Variants in DCLRE1C observed in about 807,000 individuals in gnomAD.
DCLRE1C encodes protein artemis.
A neutral mutation model predicts 61.4 loss-of-function variants in DCLRE1C; 47 were observed. The ratio of observed to expected loss-of-function variants is 0.77; its 90% CI spans 0.61 to 0.98. The LOEUF (loss-of-function observed/expected upper bound fraction) is 0.98, where lower values mean the gene tolerates loss of function less well. Among genes scored for constraint, DCLRE1C ranks in the 50% least tolerant of loss-of-function variants. DCLRE1C has a pLI of 0.00. For missense variants in DCLRE1C, 858 were observed against 816.0 expected (o/e 1.05, Z -0.63); for synonymous variants, 337 against 287.6 (o/e 1.17, Z -1.74).
At chr10:14,926,736 C>A in intron 11 of DCLRE1C, 107 bp downstream of exon 11, 21 of 762,922 alleles carry the variant, frequency 2.8e-5, no homozygotes, top group African/African-American at 3.6e-5. Flanking sequence ...GGAAATGAAA[C>A]TTACATAGAA....
At chr10:14,943,304 G>A (rs1330370028) in intron 3 of DCLRE1C, among the ~76,000 whole-genome samples, 2 of 151,958 alleles carry the variant, frequency 1.3e-5, no homozygotes, top group African/African-American at 4.8e-5. Context: ...TCAGCTGGAT[G>A]CTATTTTGTC....
At chr10:14,930,982 A>G (rs1172627690) in intron 9 of DCLRE1C, among the ~76,000 whole-genome samples, 1 of 152,200 alleles carries the variant, frequency 6.6e-6, no homozygotes, top group African/African-American at 2.4e-5. Context: ...ATTATGCTTT[A>G]TCGTAAGGGC....
Position 14,909,162 on chromosome 10 carries a change from T to G in DCLRE1C, c.1325A>C (p.Gln442Pro), listed in dbSNP as rs567152555. 1 of 1,614,226 alleles carries G rather than the reference T, an allele frequency of 6.2e-7. No homozygotes were observed. The highest frequency in any genetic ancestry group is 8.5e-7 in the Non-Finnish European group (1 of 1,180,032). The change falls in exon 14 of 14, where the codon CAG (glutamine) becomes CCG (proline). Residue 442 changes from glutamine to proline, a missense_variant. By Grantham distance (76) the Gln-to-Pro change is moderately conservative. Coordinates refer to ENST00000378278, the MANE Select transcript of DCLRE1C (RefSeq NM_001033855.3). Reference protein sequence around the residue: ...TPGCCRAECMQSSRFTNFVDC... With the variant: ...TPGCCRAECMPSSRFTNFVDC... ...TACAAAGTTTGTGAAACGAGAGCTC[T>G]GCATACACTCTGCTCTGCAGCATCC...
rs1588882591 is a variant in DCLRE1C at position 14,907,228 on chromosome 10, A to C, written c.*1180T>G. Among the ~76,000 whole-genome samples the C allele has an allele frequency of 6.6e-6, 1 of 151,434 alleles. No individual in the cohort carries two copies. Among genetic ancestry groups the C allele is most frequent in the East Asian group, 1.9e-4 (1 of 5,192 alleles). Reference sequence around the variant, plus strand: ...TGGCCACCGTATTCACATCAAGGTTAAGTGACTTAACATCTTTGGGGATAA... The same window carrying C: ...TGGCCACCGTATTCACATCAAGGTTCAGTGACTTAACATCTTTGGGGATAA... On this transcript the variant is annotated 3_prime_UTR_variant, in exon 14 of 14. Transcript: ENST00000378278.
intron 4 of DCLRE1C, among the ~76,000 whole-genome samples, chr10:14,939,501 T>A (rs553394160): frequency 2.0e-5 from 3 of 151,464 alleles, no homozygotes; most frequent in African/African-American, 7.3e-5. Context: ...TGCTGGAGAC[T>A]GGATCTTGGA....
intron 13 of DCLRE1C, among the ~76,000 whole-genome samples, chr10:14,912,646 A>G (rs909618416): frequency 3.3e-5 from 5 of 152,226 alleles, no homozygotes; most frequent in African/African-American, 1.2e-4. Context: ...TTGAAAAGAT[A>G]ATGCGAAATA....
downstream of DCLRE1C, chr10:14,904,154 A>C (rs956422486): frequency 2.6e-5 from 4 of 151,712 alleles, no homozygotes; most frequent in African/African-American, 4.8e-5. Context: ...AAAATACAAA[A>C]ATTAGCCGGG....
chr10:14,946,103 G>A (rs1017156588), intron 2 of DCLRE1C, among the ~76,000 whole-genome samples: 8 of 151,592 alleles, frequency 5.3e-5, no homozygotes, highest in Admixed American at 4.0e-4. Flanking sequence ...CCGCCTCCCG[G>A]GTTCAAGCGA....
intron 3 of DCLRE1C, 79 bp from the exon 4 acceptor site, chr10:14,939,948 A>C (rs1840596656): frequency 8.9e-7 from 1 of 1,120,400 alleles, no homozygotes; most frequent in Admixed American, 2.0e-5. Context: ...AAACACAGAA[A>C]TGGGGCAAAG....
intron 2 of DCLRE1C, 147 bp downstream of exon 2, chr10:14,948,889 G>T: frequency 1.5e-6 from 1 of 657,774 alleles, no homozygotes; most frequent in Non-Finnish European, 2.7e-6. Flanking sequence ...AGAGGGGTCT[G>T]GGATATTGGT....
intron 12 of DCLRE1C, among the ~76,000 whole-genome samples, chr10:14,921,017 T>C (rs1837017022): frequency 6.7e-6 from 1 of 149,022 alleles, no homozygotes; most frequent in African/African-American, 2.5e-5. Context: ...GGAATGAATA[T>C]GCATTTTAAC....
chr10:14,939,971 C>A (rs1840599906), intron 3 of DCLRE1C, 102 bp from the exon 4 acceptor site: 1 of 863,748 alleles, frequency 1.2e-6, no homozygotes, highest in Non-Finnish European at 1.9e-6. Flanking sequence ...AAGTTTCAGA[C>A]TCTCTATATA....
At position 14,949,084 on chromosome 10, in the gene DCLRE1C, T is replaced by C; in HGVS notation, c.113A>G (p.His38Arg). 1 of 1,608,038 alleles carries C rather than the reference T, an allele frequency of 6.2e-7. No individual in the cohort carries two copies. Among genetic ancestry groups the C allele is most frequent in the Non-Finnish European group, 8.5e-7 (1 of 1,174,818 alleles). Residue 38 changes from histidine to arginine, a missense_variant, in exon 2 of 14, where the codon CAC becomes CGC. His to Arg is a conservative substitution (Grantham distance 29, BLOSUM62 0). Transcript: ENST00000378278. ...AYFLSHCHKD[H>R]MKGLRAPTLK... ...GGTAGGGGCTCTTAATCCTTTCATG[T>C]GATCTAAAAACAAAAGAACAAAAAC...
chr10:14,947,941 C>T (rs1231886233), intron 2 of DCLRE1C, among the ~76,000 whole-genome samples: 1 of 152,124 alleles, frequency 6.6e-6, no homozygotes, highest in African/African-American at 2.4e-5. Context: ...TGCCTGTAAT[C>T]CCAGCTACTC....
intron 5 of DCLRE1C, among the ~76,000 whole-genome samples, 194 bp downstream of exon 5, chr10:14,936,337 TTTTTTTA>T (rs1477946770): frequency 6.7e-6 from 1 of 149,560 alleles, no homozygotes; most frequent in East Asian, 1.9e-4. Context: ...TTTTTTTTTT[TTTTTTTA>T]AAAAAAAAAC....
intron 13 of DCLRE1C, among the ~76,000 whole-genome samples, chr10:14,913,943 C>G (rs1467266637): frequency 1.3e-5 from 2 of 152,012 alleles, no homozygotes; most frequent in African/African-American, 4.8e-5. Context: ...AATAACCCAA[C>G]AAGAGATTAA....
rs1157949543 is a variant in DCLRE1C at position 14,904,826 on chromosome 10, A to G, written c.*3582T>C. Among the ~76,000 whole-genome samples the G allele has an allele frequency of 6.6e-6, 1 of 152,228 alleles. No individual in the cohort carries two copies. Among genetic ancestry groups the G allele is most frequent in the Non-Finnish European group, 1.5e-5 (1 of 68,042 alleles). ...GTCAGAATTTTTCAGTGTAAGACAA[A>G]TATCAAAGGTAATAGATCCAGTTTA... On this transcript the variant is annotated 3_prime_UTR_variant, in exon 14 of 14. Transcript: ENST00000378278.
rs888467662 is a variant in DCLRE1C at position 14,907,796 on chromosome 10, A to C, written c.*612T>G. On this transcript the variant is annotated 3_prime_UTR_variant, in exon 14 of 14. Coordinates refer to ENST00000378278, the MANE Select transcript of DCLRE1C (RefSeq NM_001033855.3). ...CGTGTCTCTTGTCATTGATGCACTTAGACCATTTACATTTAATGTAATCAT... is the reference window on the plus strand; with the variant it reads ...CGTGTCTCTTGTCATTGATGCACTTCGACCATTTACATTTAATGTAATCAT... The C allele has an allele frequency of 1.3e-5, 2 of 150,876 alleles. No homozygotes were observed. The highest frequency in any genetic ancestry group is 2.9e-5 in the Non-Finnish European group (2 of 67,954). 9.3% of individuals were successfully genotyped at this position (150,876 alleles called of 1,614,324 possible). A position where few individuals can be genotyped will look rare whatever the true frequency, so the allele number is the denominator to read the frequency against.
chr10:14,931,317 T>A (rs1246119366), intron 9 of DCLRE1C, among the ~76,000 whole-genome samples: 1 of 152,044 alleles, frequency 6.6e-6, no homozygotes, highest in Admixed American at 6.6e-5. Flanking sequence ...TCCCAGCACT[T>A]TGGGAGGCCA....
Sources: gnomAD v4.1 joint callset for allele counts (sites outside exome capture counted in the v4.1 genomes callset) on GRCh38, gnomAD v4.1.1 for gene constraint, MANE v1.5 for transcripts, NCBI Gene and HGNC (gene_info 2026-07-23, HGNC 2026-07-21) for gene names.